UBE3A: variants seen among roughly 807,000 people sequenced by gnomAD.
The protein encoded by UBE3A is ubiquitin protein ligase E3A, also known as ubiquitin-protein ligase E3A.
In UBE3A, 6 loss-of-function variants were observed where a neutral mutation model predicts 83.4. That is an observed-to-expected ratio of 0.07 (90% CI 0.04 to 0.14). The LOEUF is 0.14. Ranked by LOEUF, UBE3A falls within the 10% of genes least tolerant of loss-of-function variation. The probability of loss-of-function intolerance (pLI) is 1.00; values close to 1 mark genes in which losing one functional copy is unlikely to be tolerated. For missense variants in UBE3A, 456 were observed against 1,036.1 expected (o/e 0.44, Z 7.69); for synonymous variants, 337 against 355.4 (o/e 0.95, Z 0.58).
At chr15:25,398,771 T>TTATATATATATATATATA (rs1159969391) in intron 4 of UBE3A, among the ~76,000 whole-genome samples, 25 of 68,944 alleles carry the variant, frequency 3.6e-4, no homozygotes, top group South Asian at 6.2e-4. Flanking sequence ...ATTCTTTTAT[T>TTATATATATATATATATA]TATATATATA....
intron 6 of UBE3A, among the ~76,000 whole-genome samples, chr15:25,360,738 G>A (rs2077931824): frequency 6.6e-6 from 1 of 152,124 alleles, no homozygotes. Context: ...ACAGACACTA[G>A]CATAGTAAAA....
Position 25,339,105 on chromosome 15 carries a change from C to CTTTTTTTTTTTTTT in UBE3A, c.*31_*32insAAAAAAAAAAAAAA. The CTTTTTTTTTTTTTT allele has an allele frequency of 6.9e-7, 1 of 1,440,480 alleles. No homozygotes were observed. Among genetic ancestry groups the CTTTTTTTTTTTTTT allele is most frequent in the Non-Finnish European group, 9.2e-7 (1 of 1,088,584 alleles). The allele number at this position is 1,440,480 out of a possible 1,614,324, so 89.2% of individuals were successfully genotyped here. On this transcript the variant is annotated 3_prime_UTR_variant, in exon 13 of 13. Transcript: ENST00000648336. ...TAAATTTTTTCTTTTTTTTTCCTTCCTTTTTTTTGTTTTATTTTGTTTTGT... is the reference window on the plus strand; with the variant it reads ...TAAATTTTTTCTTTTTTTTTCCTTCCTTTTTTTTTTTTTTTTTTTTTTGTTTTATTTTGTTTTGT...
intron 11 of UBE3A, among the ~76,000 whole-genome samples, chr15:25,341,163 G>C (rs1188750450): frequency 6.6e-6 from 1 of 151,562 alleles, no homozygotes; most frequent in Non-Finnish European, 1.5e-5. Context: ...TCCGCCTCCT[G>C]GGTTCGCGCC....
At chr15:25,395,376 C>A (rs1225102121) in intron 4 of UBE3A, among the ~76,000 whole-genome samples, 3 of 152,072 alleles carry the variant, frequency 2.0e-5, no homozygotes, top group African/African-American at 7.2e-5. Flanking sequence ...TCCTGGGAAA[C>A]AATTTCTTTC....
chr15:25,401,912 T>C (rs1434077341), intron 4 of UBE3A, among the ~76,000 whole-genome samples: 1 of 152,220 alleles, frequency 6.6e-6, no homozygotes, highest in African/African-American at 2.4e-5. Flanking sequence ...AATTTCAATC[T>C]CAAAATTTCT....
chr15:25,379,298 C>G (rs1258694264), intron 4 of UBE3A, among the ~76,000 whole-genome samples: 1 of 152,150 alleles, frequency 6.6e-6, no homozygotes, highest in Non-Finnish European at 1.5e-5. Flanking sequence ...TATGAGTTAG[C>G]ACTATAAACC....
intron 1 of UBE3A, among the ~76,000 whole-genome samples, chr15:25,424,235 A>G (rs759943277): frequency 3.3e-5 from 5 of 152,152 alleles, no homozygotes; most frequent in Admixed American, 6.5e-5. Context: ...CGAGTTCTTC[A>G]AACACATCAG....
At chr15:25,356,107 A>G in intron 8 of UBE3A, 51 bp from the exon 9 acceptor site, 1 of 1,589,130 alleles carries the variant, frequency 6.3e-7, no homozygotes. Flanking sequence ...ACAAAATACA[A>G]CAAATAATTT....
At chr15:25,342,599 C>G (rs1039531541) in intron 11 of UBE3A, among the ~76,000 whole-genome samples, 3 of 151,908 alleles carry the variant, frequency 2.0e-5, no homozygotes, top group African/African-American at 7.3e-5. Flanking sequence ...TCACATCCTA[C>G]TCACATCTCT....
At chr15:25,390,311 T>TGAAAACCTAAGTCCACAC (rs2084057026) in intron 4 of UBE3A, among the ~76,000 whole-genome samples, 2 of 152,178 alleles carry the variant, frequency 1.3e-5, no homozygotes, top group Non-Finnish European at 2.9e-5. Context: ...AGAAAGTCGC[T>TGAAAACCTAAGTCCACAC]GAAAACCTAA....
At chr15:25,343,526 TA>T in intron 11 of UBE3A, among the ~76,000 whole-genome samples, 1 of 152,204 alleles carries the variant, frequency 6.6e-6, no homozygotes, top group Middle Eastern at 3.4e-3. Flanking sequence ...GCAGTATGAC[TA>T]AAATTTCTAC....
intron 11 of UBE3A, among the ~76,000 whole-genome samples, chr15:25,345,124 C>G (rs777711848): frequency 1.3e-5 from 2 of 152,096 alleles, no homozygotes; most frequent in African/African-American, 2.4e-5. Flanking sequence ...AGTAAGGAAG[C>G]AGATGCAAGG....
intron 4 of UBE3A, among the ~76,000 whole-genome samples, chr15:25,380,357 A>T (rs993180722): frequency 6.6e-6 from 1 of 152,068 alleles, no homozygotes; most frequent in Admixed American, 6.6e-5. Flanking sequence ...TGAGTACTTT[A>T]GGCCTGCAAA....
chr15:25,429,584 C>G (rs761662963), intron 1 of UBE3A, among the ~76,000 whole-genome samples: 6 of 152,064 alleles, frequency 3.9e-5, no homozygotes, highest in Non-Finnish European at 2.9e-5. Context: ...CGCAGTGGCT[C>G]ATGTCTATAA....
intron 3 of UBE3A, chr15:25,407,147 GA>G: frequency 7.4e-7 from 1 of 1,349,892 alleles, no homozygotes. Context: ...GCTAAAAATT[GA>G]TGATAACCCC....
intron 11 of UBE3A, among the ~76,000 whole-genome samples, chr15:25,353,088 G>T (rs2076742592): frequency 6.6e-6 from 1 of 152,050 alleles, no homozygotes; most frequent in Non-Finnish European, 1.5e-5. Flanking sequence ...TCATATTACA[G>T]AGATATTGCT....
chr15:25,354,220 C>G, intron 11 of UBE3A, 133 bp downstream of exon 11: 1 of 761,322 alleles, frequency 1.3e-6, no homozygotes, highest in Non-Finnish European at 2.3e-6. Flanking sequence ...ATTACAAATA[C>G]AAATCTAAGT....
chr15:25,375,372 G>A, intron 5 of UBE3A, 93 bp downstream of exon 5: 1 of 1,441,402 alleles, frequency 6.9e-7, no homozygotes, highest in Non-Finnish European at 9.4e-7. Flanking sequence ...ATGTCTTTAT[G>A]TCACAGAAGA....
chr15:25,432,445 C>T (rs556760614), intron 1 of UBE3A, among the ~76,000 whole-genome samples: 9 of 152,274 alleles, frequency 5.9e-5, no homozygotes, highest in African/African-American at 2.4e-5. Flanking sequence ...TGTAGAAGTA[C>T]AGCAATGGTA....
Sources: gnomAD v4.1 joint callset for allele counts (sites outside exome capture counted in the v4.1 genomes callset) on GRCh38, gnomAD v4.1.1 for gene constraint, MANE v1.5 for transcripts, NCBI Gene and HGNC (gene_info 2026-07-23, HGNC 2026-07-21) for gene names.